EFNA5: variants seen among roughly 807,000 people sequenced by gnomAD.
The protein encoded by EFNA5 is ephrin A5.
In EFNA5, 5 loss-of-function variants were observed where a neutral mutation model predicts 22.9. The ratio of observed to expected loss-of-function variants is 0.22; its 90% confidence interval spans 0.11 to 0.46. The LOEUF (loss-of-function observed/expected upper bound fraction) is 0.46, where lower values mean the gene tolerates loss of function less well. Among genes scored for constraint, EFNA5 ranks in the 20% least tolerant of loss-of-function variants. The probability of loss-of-function intolerance (pLI) is 0.99; values close to 1 mark genes in which losing one functional copy is unlikely to be tolerated. For missense variants in EFNA5, 237 were observed against 293.3 expected (o/e 0.81, Z 1.40); for synonymous variants, 113 against 112.2 (o/e 1.01, Z -0.04).
At chr5:107,592,179 G>C (rs564048567) in intron 1 of EFNA5, among the ~76,000 whole-genome samples, 1 of 141,850 alleles carries the variant, frequency 7.0e-6, no homozygotes. Context: ...CATTAGAGTA[G>C]GCAAGCCCAA....
intron 1 of EFNA5, among the ~76,000 whole-genome samples, chr5:107,661,715 A>C (rs1034235432): frequency 2.6e-5 from 4 of 152,248 alleles, no homozygotes; most frequent in African/African-American, 9.6e-5. Flanking sequence ...ATTAAAAACT[A>C]TTAAAAATGT....
intron 1 of EFNA5, among the ~76,000 whole-genome samples, chr5:107,610,427 T>G (rs1749803507): frequency 6.6e-6 from 1 of 152,234 alleles, no homozygotes; most frequent in Non-Finnish European, 1.5e-5. Flanking sequence ...GCACTTCGAC[T>G]GTTAGTTTAT....
chr5:107,463,247 A>T (rs889312451), intron 1 of EFNA5, among the ~76,000 whole-genome samples: 5 of 152,210 alleles, frequency 3.3e-5, no homozygotes, highest in Non-Finnish European at 7.3e-5. Flanking sequence ...AAAGCAGATT[A>T]CAATGAAATA....
At chr5:107,461,800 G>A (rs944938849) in intron 1 of EFNA5, among the ~76,000 whole-genome samples, 4 of 151,928 alleles carry the variant, frequency 2.6e-5, no homozygotes, top group Non-Finnish European at 5.9e-5. Flanking sequence ...ATTTAATATA[G>A]GCATTGAGTA....
At position 107,554,802 on chromosome 5, in the gene EFNA5, C is replaced by A. The variant is rs191470606; in HGVS notation, c.125+115687G>T. On this transcript the variant is annotated intron_variant, in intron 1 of 4. Coordinates refer to ENST00000333274, the MANE Select transcript of EFNA5 (RefSeq NM_001962.3). ...ATAGGAAAACCGAGTCTTAAAAAGG[C>A]TATGTACCTTGGCCAAGGTTAAAGT... Among the ~76,000 whole-genome samples the A allele has an allele frequency of 2.0e-4, 30 of 152,242 alleles. 1 individual carries two copies. In the East Asian group the frequency reaches 5.2e-3, roughly 26 times the overall value.
At chr5:107,571,959 C>T (rs1385851068) in intron 1 of EFNA5, among the ~76,000 whole-genome samples, 1 of 151,992 alleles carries the variant, frequency 6.6e-6, no homozygotes, top group Non-Finnish European at 1.5e-5. Context: ...TAAAAGGTGA[C>T]CAGACGGCAG....
chr5:107,640,536 TAC>T (rs1750478312), intron 1 of EFNA5, among the ~76,000 whole-genome samples: 1 of 152,220 alleles, frequency 6.6e-6, no homozygotes, highest in South Asian at 2.1e-4. Context: ...GATTTGGAAG[TAC>T]AGTTTGTTTA....
intron 1 of EFNA5, among the ~76,000 whole-genome samples, chr5:107,645,924 T>C (rs368017455): frequency 6.6e-6 from 1 of 152,212 alleles, no homozygotes; most frequent in East Asian, 1.9e-4. Flanking sequence ...ATCGTCAATC[T>C]ATCTTTTCAA....
intron 1 of EFNA5, among the ~76,000 whole-genome samples, chr5:107,623,655 AT>A (rs1187359398): frequency 3.3e-5 from 5 of 151,266 alleles, no homozygotes; most frequent in African/African-American, 1.2e-4. Flanking sequence ...ATTGTTTGTA[AT>A]TTTTGCCTTA....
In EFNA5 at chr5:107,584,066, C is replaced by A. The variant is rs950641256; in HGVS notation, c.125+86423G>T. Among the ~76,000 whole-genome samples the A allele has an allele frequency of 3.3e-5, 5 of 152,310 alleles. 1 individual carries two copies. The highest frequency in any genetic ancestry group is 1.3e-4 in the Admixed American group (2 of 15,304). The stretch of plus-strand genomic sequence containing the variant: ...ATTATGTATCTCTAGGGAAAGGTCA[C>A]ATGTAAACATTCCCAAAGGTTCTAA... On this transcript the variant is annotated intron_variant, in intron 1 of 4. Transcript: ENST00000333274.
At chr5:107,469,029 T>C (rs1750066552) in intron 1 of EFNA5, among the ~76,000 whole-genome samples, 1 of 152,200 alleles carries the variant, frequency 6.6e-6, no homozygotes, top group Non-Finnish European at 1.5e-5. Context: ...CCAATGAATG[T>C]TTAGCAGGAC....
intron 1 of EFNA5, among the ~76,000 whole-genome samples, chr5:107,665,523 A>C (rs868331923): frequency 1.3e-5 from 2 of 152,216 alleles, no homozygotes; most frequent in South Asian, 2.1e-4. Context: ...AAAATCACCT[A>C]ACAGAGAGTA....
chr5:107,496,070 A>T (rs1404584317), intron 1 of EFNA5, among the ~76,000 whole-genome samples: 1 of 151,500 alleles, frequency 6.6e-6, no homozygotes, highest in Non-Finnish European at 1.5e-5. Flanking sequence ...TCATGCCTGT[A>T]ATCCCAGCAC....
chr5:107,574,776 A>G (rs1235456888), intron 1 of EFNA5, among the ~76,000 whole-genome samples: 2 of 152,236 alleles, frequency 1.3e-5, no homozygotes, highest in African/African-American at 4.8e-5. Flanking sequence ...AACTAATGTT[A>G]ACTTAAAGAA....
At chr5:107,410,612 G>A (rs945923865) in intron 2 of EFNA5, among the ~76,000 whole-genome samples, 85 of 152,180 alleles carry the variant, frequency 5.6e-4, no homozygotes, top group African/African-American at 2.0e-3. Context: ...TGCACCACTC[G>A]CTTTGAAGAA....
chr5:107,436,453 A>G (rs896888560), intron 1 of EFNA5, among the ~76,000 whole-genome samples: 1 of 152,194 alleles, frequency 6.6e-6, no homozygotes, highest in Non-Finnish European at 1.5e-5. Flanking sequence ...AAGACCTAAC[A>G]CATCACAGAT....
chr5:107,416,558 C>T (rs1403596018), intron 2 of EFNA5, among the ~76,000 whole-genome samples: 1 of 152,108 alleles, frequency 6.6e-6, no homozygotes, highest in Non-Finnish European at 1.5e-5. Flanking sequence ...ACAGTGCCTG[C>T]CACTTAGTAC....
At chr5:107,632,578 C>T (rs1374341796) in intron 1 of EFNA5, among the ~76,000 whole-genome samples, 2 of 152,076 alleles carry the variant, frequency 1.3e-5, no homozygotes, top group African/African-American at 4.8e-5. Context: ...TTGTTCTTCT[C>T]TTCATCTTTA....
intron 1 of EFNA5, among the ~76,000 whole-genome samples, chr5:107,440,361 TCTTAATAA>T: frequency 6.6e-6 from 1 of 152,160 alleles, no homozygotes; most frequent in African/African-American, 2.4e-5. Flanking sequence ...CCACCTATCA[TCTTAATAA>T]ACTCTACTTT....
Sources: allele counts gnomAD v4.1 joint callset (sites outside exome capture counted in the v4.1 genomes callset), GRCh38; gene constraint gnomAD v4.1.1; transcripts MANE v1.5; gene names NCBI Gene and HGNC (gene_info 2026-07-23, HGNC 2026-07-21).